KIAA1328: variants seen among roughly 807,000 people sequenced by gnomAD.
The protein encoded by KIAA1328 is KIAA1328, also known as protein hinderin.
Under a neutral mutation model 68.1 loss-of-function variants are expected in KIAA1328, and 52 were observed. The ratio of observed to expected loss-of-function variants is 0.76; its 90% CI spans 0.61 to 0.96. KIAA1328 has a LOEUF of 0.96. Among genes scored for constraint, KIAA1328 ranks in the 40% least tolerant of loss-of-function variants. The probability of loss-of-function intolerance (pLI) is 0.00; values close to 1 mark genes in which losing one functional copy is unlikely to be tolerated. For synonymous variants in KIAA1328, 232 were observed against 239.4 expected (o/e 0.97, Z 0.28); for missense variants, 641 against 677.6 (o/e 0.95, Z 0.60).
chr18:36,976,148 A>C (rs2052463392), intron 6 of KIAA1328, among the ~76,000 whole-genome samples: 1 of 152,202 alleles, frequency 6.6e-6, no homozygotes, highest in Non-Finnish European at 1.5e-5. Context: ...TGAGCACTTG[A>C]TATATGACTG....
chr18:36,950,248 TA>T, intron 5 of KIAA1328, among the ~76,000 whole-genome samples: 1 of 152,352 alleles, frequency 6.6e-6, no homozygotes, highest in East Asian at 1.9e-4. Flanking sequence ...CTTGCTAGGT[TA>T]GAAAACATTT....
chr18:37,223,636 A>T lies in KIAA1328; in HGVS notation c.*1409A>T, dbSNP rs28676465. On this transcript the variant is annotated 3_prime_UTR_variant, in exon 10 of 10. Coordinates refer to ENST00000280020, the MANE Select transcript of KIAA1328 (RefSeq NM_020776.3). ...TTAGTCAGTGTTGGTAGACAAAGTC[A>T]TACCACCCAGGGCAGCCTGCATGCA... 7.2e-3 allele frequency: 7,065 copies of T among 985,378 alleles called. 379 individuals are homozygous for T. In the African/African-American group the frequency reaches 0.12, roughly 16 times the overall value. 61.0% of individuals were successfully genotyped at this position (985,378 alleles called of 1,614,324 possible). A position where few individuals can be genotyped will look rare whatever the true frequency, so the allele number is the denominator to read the frequency against.
chr18:37,072,137 G>T (rs1490438194), intron 7 of KIAA1328, among the ~76,000 whole-genome samples: 1 of 152,038 alleles, frequency 6.6e-6, no homozygotes. Flanking sequence ...GATGTTCCAA[G>T]ATTTCCTCTT....
intron 6 of KIAA1328, among the ~76,000 whole-genome samples, chr18:37,043,306 CT>C (rs2055334040): frequency 6.6e-6 from 1 of 152,094 alleles, no homozygotes; most frequent in African/African-American, 2.4e-5. Flanking sequence ...TCACTCTTTT[CT>C]GTTTCTTTGC....
intron 7 of KIAA1328, among the ~76,000 whole-genome samples, chr18:37,083,948 A>G (rs1176030276): frequency 6.6e-6 from 1 of 152,218 alleles, no homozygotes; most frequent in Non-Finnish European, 1.5e-5. Context: ...TTAAGTTACT[A>G]TGAAATCAAT....
At chr18:36,933,407 G>T (rs2050383903) in intron 5 of KIAA1328, among the ~76,000 whole-genome samples, 1 of 152,086 alleles carries the variant, frequency 6.6e-6, no homozygotes. Context: ...CCTTTGTTAG[G>T]TGTTCCAGGC....
At chr18:36,885,726 T>C in intron 5 of KIAA1328, 54 bp downstream of exon 5, 3 of 1,209,216 alleles carry the variant, frequency 2.5e-6, no homozygotes, top group Non-Finnish European at 3.5e-6. Flanking sequence ...ACTATTTCTT[T>C]TTTTTTTTGA....
intron 6 of KIAA1328, among the ~76,000 whole-genome samples, chr18:37,014,759 A>G (rs1366044767): frequency 6.6e-6 from 1 of 151,996 alleles, no homozygotes; most frequent in African/African-American, 2.4e-5. Flanking sequence ...TAATACAGTC[A>G]CCTCCCACCT....
chr18:37,116,539 A>G (rs1301606491), intron 7 of KIAA1328, among the ~76,000 whole-genome samples: 3 of 152,254 alleles, frequency 2.0e-5, no homozygotes, highest in Non-Finnish European at 4.4e-5. Flanking sequence ...TAAATGTTAG[A>G]CCTAACACTA....
At chr18:37,007,573 C>A (rs1390641142) in intron 6 of KIAA1328, among the ~76,000 whole-genome samples, 2 of 152,070 alleles carry the variant, frequency 1.3e-5, no homozygotes, top group African/African-American at 4.8e-5. Flanking sequence ...TTTTCCAAGT[C>A]ATAACTTCTG....
intron 6 of KIAA1328, among the ~76,000 whole-genome samples, chr18:37,055,952 T>C (rs1024856051): frequency 1.3e-5 from 2 of 152,174 alleles, no homozygotes; most frequent in African/African-American, 4.8e-5. Flanking sequence ...CATAAATGCA[T>C]TGGAAGTAAT....
chr18:37,082,129 A>ATATC (rs2056968032), intron 7 of KIAA1328, among the ~76,000 whole-genome samples: 1 of 145,306 alleles, frequency 6.9e-6, no homozygotes, highest in Non-Finnish European at 1.5e-5. Flanking sequence ...TAACTTTTAT[A>ATATC]TATCTTTACT....
downstream of KIAA1328, chr18:37,231,972 C>T (rs544038480): frequency 6.6e-6 from 1 of 152,340 alleles, no homozygotes; most frequent in Admixed American, 6.5e-5. Context: ...CTCTGTTCTT[C>T]TCTCAGCTGC....
chr18:36,991,444 T>C (rs1397054245), intron 6 of KIAA1328, among the ~76,000 whole-genome samples: 1 of 152,226 alleles, frequency 6.6e-6, no homozygotes, highest in African/African-American at 2.4e-5. Flanking sequence ...CTGGTAGTTG[T>C]ATGCTAACAA....
chr18:37,117,797 G>T (rs1281631137), intron 7 of KIAA1328, among the ~76,000 whole-genome samples: 1 of 151,386 alleles, frequency 6.6e-6, no homozygotes, highest in Non-Finnish European at 1.5e-5. Flanking sequence ...AAAATGCTCA[G>T]ATATAAAGTT....
intron 7 of KIAA1328, among the ~76,000 whole-genome samples, chr18:37,098,477 A>T (rs2057485855): frequency 6.6e-6 from 1 of 152,212 alleles, no homozygotes; most frequent in Non-Finnish European, 1.5e-5. Flanking sequence ...TCGGTTTGCC[A>T]GTATTTTATT....
intron 5 of KIAA1328, among the ~76,000 whole-genome samples, chr18:36,954,730 T>C (rs906882480): frequency 2.0e-5 from 3 of 151,342 alleles, no homozygotes; most frequent in Non-Finnish European, 4.4e-5. Flanking sequence ...GTTTTGGTCT[T>C]GTTGCCCAGG....
intron 7 of KIAA1328, among the ~76,000 whole-genome samples, chr18:37,080,530 A>C (rs1410207242): frequency 1.3e-5 from 2 of 152,144 alleles, no homozygotes; most frequent in Admixed American, 1.3e-4. Context: ...TAATCCCAGC[A>C]CTTTGGGAGG....
intron 6 of KIAA1328, among the ~76,000 whole-genome samples, chr18:37,028,864 T>A (rs2151570517): frequency 6.6e-6 from 1 of 152,336 alleles, no homozygotes; most frequent in South Asian, 2.1e-4. Context: ...ATTTCAGTAA[T>A]AAAGCCAGCT....
Sources: allele counts gnomAD v4.1 joint callset (sites outside exome capture counted in the v4.1 genomes callset), GRCh38; gene constraint gnomAD v4.1.1; transcripts MANE v1.5; gene names NCBI Gene and HGNC (gene_info 2026-07-23, HGNC 2026-07-21).